The following VAMP7 variants were observed in gnomAD, a reference collection of about 807,000 sequenced individuals.
VAMP7 encodes the protein vesicle associated membrane protein 7.
In VAMP7, 14 loss-of-function variants were observed where a neutral mutation model predicts 29.6. The ratio of observed to expected loss-of-function variants is 0.47; its 90% CI spans 0.31 to 0.74. The LOEUF is 0.74. Ranked by LOEUF, VAMP7 falls within the 30% of genes least tolerant of loss-of-function variation. The pLI is 0.05. For missense variants in VAMP7, 223 were observed against 262.4 expected (o/e 0.85, Z 1.04); for synonymous variants, 95 against 88.1 (o/e 1.08, Z -0.44).
At chrX:155,907,590 G>A (rs953318304) in intron 5 of VAMP7, among the ~76,000 whole-genome samples, 1 of 151,642 alleles carries the variant, frequency 6.6e-6, no homozygotes, top group Non-Finnish European at 1.5e-5. Flanking sequence ...AGGGTTGGGG[G>A]TAAGGTCATA....
At chrX:155,939,361 A>G (rs1291896305) in intron 6 of VAMP7, among the ~76,000 whole-genome samples, 1 of 152,232 alleles carries the variant, frequency 6.6e-6, no homozygotes, top group African/African-American at 2.4e-5. Flanking sequence ...ATGTGCTTGC[A>G]GTCAGCTGGC....
At chrX:155,904,759 ACTT>A (rs1328351217) in intron 5 of VAMP7, among the ~76,000 whole-genome samples, 1 of 152,012 alleles carries the variant, frequency 6.6e-6, no homozygotes, top group African/African-American at 2.4e-5. Flanking sequence ...ATAAATCAAT[ACTT>A]AATTCTTTTT....
intron 6 of VAMP7, among the ~76,000 whole-genome samples, chrX:155,925,749 CA>C (rs898818420): frequency 5.3e-5 from 8 of 152,144 alleles, no homozygotes; most frequent in Non-Finnish European, 1.2e-4. Flanking sequence ...AGGAGGCAAT[CA>C]GATACGCATT....
chrX:155,889,344 T>C lies in VAMP7; in HGVS notation c.-9-114T>C, dbSNP rs550540225. 10 of 1,400,940 alleles carry C rather than the reference T, an allele frequency of 7.1e-6. No homozygotes were observed. In the East Asian group the frequency reaches 2.3e-4, roughly 33 times the overall value. 86.8% of individuals were successfully genotyped at this position (1,400,940 alleles called of 1,614,324 possible). ...AAGTCTGTTGTTAAGTTTCATGTTA[T>C]AGTGCCTCGTTAGATACTATCTCCA... On this transcript the variant is annotated intron_variant, in intron 1 of 7. Transcript: ENST00000286448.
At chrX:155,888,411 A>G (rs891521221) in intron 1 of VAMP7, among the ~76,000 whole-genome samples, 1 of 152,154 alleles carries the variant, frequency 6.6e-6, no homozygotes, top group African/African-American at 2.4e-5. Context: ...AATGACTCAT[A>G]CTCTGCCACA....
intron 2 of VAMP7, 52 bp downstream of exon 2, chrX:155,889,664 T>C: frequency 6.2e-7 from 1 of 1,601,956 alleles, no homozygotes; most frequent in African/African-American, 1.3e-5. Flanking sequence ...ATTCTGTTAC[T>C]CTAATCAGAA....
In VAMP7 at chrX:155,939,461, C is replaced by T. The variant is rs527574558; in HGVS notation, c.502-240C>T. Among the ~76,000 whole-genome samples, 31 of 152,266 alleles carry T rather than the reference C, an allele frequency of 2.0e-4. No individual in the cohort carries two copies. The South Asian group carries it at 5.8e-3, about 29-fold the overall frequency. On this transcript the variant is annotated intron_variant, in intron 6 of 7. Transcript: ENST00000286448. The stretch of plus-strand genomic sequence containing the variant: ...CACTTCTGGTGCTCAACATCATGTG[C>T]ATTGCTGCAGTGGAGAAGAAAAAAG...
At chrX:155,889,387 T>G in intron 1 of VAMP7, 71 bp from the exon 2 acceptor site, 1 of 1,555,228 alleles carries the variant, frequency 6.4e-7, no homozygotes, top group Non-Finnish European at 8.7e-7. Flanking sequence ...TGTTGATAAA[T>G]GATAGTAAGT....
chrX:155,928,177 C>G (rs192805263), intron 6 of VAMP7, among the ~76,000 whole-genome samples: 5 of 152,306 alleles, frequency 3.3e-5, no homozygotes, highest in African/African-American at 1.2e-4. Context: ...CCCACCTTGG[C>G]TTCCCAAAGT....
At chrX:155,894,573 G>A (rs1271520095) in intron 2 of VAMP7, among the ~76,000 whole-genome samples, 3 of 151,814 alleles carry the variant, frequency 2.0e-5, no homozygotes, top group East Asian at 3.9e-4. Flanking sequence ...AGGCCCTTAT[G>A]CTTGCTGCTT....
chrX:155,941,140 A>G (rs1178658356), intron 7 of VAMP7, among the ~76,000 whole-genome samples: 1 of 151,972 alleles, frequency 6.6e-6, no homozygotes, highest in African/African-American at 2.4e-5. Flanking sequence ...GTGACACCCT[A>G]TCTCTACAAA....
chrX:155,939,652 A>G (rs755141006), intron 6 of VAMP7, 49 bp from the exon 7 acceptor site: 1 of 1,321,556 alleles, frequency 7.6e-7, no homozygotes, highest in Non-Finnish European at 1.1e-6. Flanking sequence ...ACTGCAAATC[A>G]TTCATGTAGT....
At chrX:155,911,119 G>A (rs1394306854) in intron 5 of VAMP7, among the ~76,000 whole-genome samples, 1 of 152,114 alleles carries the variant, frequency 6.6e-6, no homozygotes, top group Non-Finnish European at 1.5e-5. Flanking sequence ...TGTATGTGAT[G>A]AGAGACAGAG....
chrX:155,900,547 C>T lies in VAMP7; in HGVS notation c.393C>T (p.Ala131=). The change falls in exon 5 of 8, where the codon GCC becomes GCT. Residue 131 remains alanine, a synonymous_variant. Transcript: ENST00000286448. ...KGLDKVMETQ[A]QVDELKGIMV... Reference sequence around the variant, plus strand: ...TAGACAAAGTGATGGAGACTCAAGCCCAAGTGGATGAACTGAAAGGAATCA... The same window carrying T: ...TAGACAAAGTGATGGAGACTCAAGCTCAAGTGGATGAACTGAAAGGAATCA... 6.2e-7 allele frequency: 1 copy of T among 1,610,756 alleles called. No homozygotes were observed. The highest frequency in any genetic ancestry group is 1.7e-4 in the Middle Eastern group (1 of 6,044).
rs369252099 is a variant in VAMP7 at position 155,941,869 on chromosome X, C to T, written c.595-14C>T. On this transcript the variant is annotated splice_polypyrimidine_tract_variant and intron_variant, in intron 7 of 7. Coordinates refer to ENST00000286448, the MANE Select transcript of VAMP7 (RefSeq NM_005638.6). ...TGATTCAAGAAAATAAAATTGCTCTCCTCGTCCCTCCAGGTGTTCATCTAT... is the reference window on the plus strand; with the variant it reads ...TGATTCAAGAAAATAAAATTGCTCTTCTCGTCCCTCCAGGTGTTCATCTAT... 9.9e-6 allele frequency: 16 copies of T among 1,612,138 alleles called. No individual in the cohort carries two copies. Among genetic ancestry groups the T allele is most frequent in the South Asian group, 3.3e-5 (3 of 90,898 alleles).
In VAMP7 at chrX:155,928,345, A is replaced by G. The variant is rs192741170; in HGVS notation, c.501+8465A>G. 7.9e-5 allele frequency among the ~76,000 whole-genome samples: 12 copies of G among 152,294 alleles called. No homozygotes were observed. The East Asian group carries it at 2.1e-3, about 27-fold the overall frequency. On this transcript the variant is annotated intron_variant, in intron 6 of 7. Transcript: ENST00000286448. ...AACTTGGTGGCTTAAAACAACAAAA[A>G]TTTATTTTCTCCCACTACTGGATTT...
intron 2 of VAMP7, 129 bp downstream of exon 2, chrX:155,889,741 C>A: frequency 9.8e-7 from 1 of 1,019,064 alleles, no homozygotes; most frequent in East Asian, 2.7e-5. Flanking sequence ...TAGTAACCTT[C>A]ACCAACTTAG....
intron 5 of VAMP7, among the ~76,000 whole-genome samples, 174 bp downstream of exon 5, chrX:155,900,761 T>C (rs2066050576): frequency 6.6e-6 from 1 of 152,154 alleles, no homozygotes; most frequent in South Asian, 2.1e-4. Flanking sequence ...GTTTCTTCTT[T>C]GTCCTTGCAA....
At chrX:155,938,036 G>A (rs2066688549) in intron 6 of VAMP7, among the ~76,000 whole-genome samples, 1 of 152,076 alleles carries the variant, frequency 6.6e-6, no homozygotes, top group South Asian at 2.1e-4. Context: ...TTGGAATGTT[G>A]TCATGTTATC....
Sources: gnomAD v4.1 joint callset for allele counts (sites outside exome capture counted in the v4.1 genomes callset) on GRCh38, gnomAD v4.1.1 for gene constraint, MANE v1.5 for transcripts, NCBI Gene and HGNC (gene_info 2026-07-23, HGNC 2026-07-21) for gene names.